The following PDZD2 variants were observed in gnomAD, a reference collection of about 807,000 sequenced individuals.
PDZD2 encodes PDZ domain containing 2.
A neutral mutation model predicts 220.7 loss-of-function variants in PDZD2; 90 were observed. The observed-to-expected ratio is 0.41, with a 90% CI of 0.34 to 0.49. The LOEUF (loss-of-function observed/expected upper bound fraction) is 0.49, where lower values mean the gene tolerates loss of function less well. Among genes scored for constraint, PDZD2 ranks in the 20% least tolerant of loss-of-function variants. The pLI, the probability that PDZD2 is intolerant of heterozygous loss-of-function variation, is 0.28. For synonymous variants in PDZD2, 1,375 were observed against 1,450.5 expected, an observed-to-expected ratio of 0.95 and a Z score of 1.18; for missense variants, 3,174 against 3,608.5, an observed-to-expected ratio of 0.88 and a Z score of 3.08.
chr5:31,679,802 T>C (rs890392818), intron 1 of PDZD2, among the ~76,000 whole-genome samples: 1 of 152,204 alleles, frequency 6.6e-6, no homozygotes, highest in Admixed American at 6.5e-5. Flanking sequence ...TGAGCCACCA[T>C]GCCTGGCCTG....
chr5:31,741,571 A>G (rs1425042965), intron 1 of PDZD2, among the ~76,000 whole-genome samples: 1 of 152,120 alleles, frequency 6.6e-6, no homozygotes, highest in Non-Finnish European at 1.5e-5. Flanking sequence ...TTCTCATCCA[A>G]ACTTCCCTCT....
intron 1 of PDZD2, among the ~76,000 whole-genome samples, chr5:31,651,611 A>G (rs1244002824): frequency 6.7e-6 from 1 of 150,018 alleles, no homozygotes; most frequent in African/African-American, 2.5e-5. Flanking sequence ...GCGCTAGGAT[A>G]GTTGGACTTG....
At chr5:31,993,629 C>T (rs574795406) in intron 3 of PDZD2, among the ~76,000 whole-genome samples, 1 of 152,164 alleles carries the variant, frequency 6.6e-6, no homozygotes, top group Non-Finnish European at 1.5e-5. Flanking sequence ...TGTACCTTAA[C>T]GGTTCCATTG....
intron 14 of PDZD2, among the ~76,000 whole-genome samples, chr5:32,065,485 C>A (rs1046088670): frequency 6.6e-5 from 10 of 152,104 alleles, no homozygotes; most frequent in Non-Finnish European, 1.3e-4. Flanking sequence ...TGTGCCATAT[C>A]CGAGATTTCT....
intron 21 of PDZD2, among the ~76,000 whole-genome samples, chr5:32,095,482 G>A (rs1407693599): frequency 1.3e-5 from 2 of 152,048 alleles, no homozygotes; most frequent in African/African-American, 4.8e-5. Context: ...TGAGAGATTC[G>A]AGGCTTCGAG....
chr5:31,982,278 C>T (rs1750358567), intron 2 of PDZD2, among the ~76,000 whole-genome samples: 1 of 152,202 alleles, frequency 6.6e-6, no homozygotes. Context: ...ACTGTTGCCA[C>T]CAGTGCCTAC....
rs184866476 is a variant in PDZD2, at chr5:31,851,943, G to A, written c.476+52219G>A. On this transcript the variant is annotated intron_variant, in intron 2 of 24. Transcript: ENST00000438447. The stretch of plus-strand genomic sequence containing the variant: ...GGGATCTCGGCTCACTGCAACCTCC[G>A]CCTCCTGGGTTGAAGTGATTCTCGT... 6.3e-3 allele frequency among the ~76,000 whole-genome samples: 948 copies of A among 150,476 alleles called. 7 individuals carry two copies. Among genetic ancestry groups the A allele is most frequent in the African/African-American group, 0.022 (894 of 40,890 alleles).
chr5:32,008,462 A>T (rs1311842680), intron 5 of PDZD2, among the ~76,000 whole-genome samples: 5 of 151,930 alleles, frequency 3.3e-5, no homozygotes, highest in African/African-American at 1.2e-4. Context: ...TTGTATTTTT[A>T]GTAGAGACGG....
intron 1 of PDZD2, among the ~76,000 whole-genome samples, chr5:31,686,063 T>C (rs805205): frequency 0.24 from 36,019 of 150,288 alleles, 5,037 homozygotes; most frequent in East Asian, 0.47. Context: ...CCAGGTATGG[T>C]CCCAGCTACC....
intron 2 of PDZD2, among the ~76,000 whole-genome samples, chr5:31,961,953 A>G (rs1748279342): frequency 6.6e-6 from 1 of 152,074 alleles, no homozygotes; most frequent in Non-Finnish European, 1.5e-5. Flanking sequence ...CCCACCTTCT[A>G]TCCACCACCC....
chr5:31,998,571 G>T (rs915634701), intron 4 of PDZD2, among the ~76,000 whole-genome samples: 2 of 152,202 alleles, frequency 1.3e-5, no homozygotes, highest in Non-Finnish European at 2.9e-5. Flanking sequence ...GCTTCTGGGC[G>T]TGTCGGAGGC....
At chr5:32,006,718 C>T (rs1245926992) in intron 5 of PDZD2, among the ~76,000 whole-genome samples, 1 of 128,724 alleles carries the variant, frequency 7.8e-6, no homozygotes, top group Non-Finnish European at 1.6e-5. Context: ...GAGACAGAGT[C>T]TCGCTCTGTC....
At chr5:31,781,461 G>T (rs950019664) in intron 1 of PDZD2, among the ~76,000 whole-genome samples, 1 of 152,134 alleles carries the variant, frequency 6.6e-6, no homozygotes, top group African/African-American at 2.4e-5. Context: ...TCTGTTAGGG[G>T]GTAAAAAGGG....
intron 1 of PDZD2, among the ~76,000 whole-genome samples, chr5:31,651,992 G>GT (rs770006909): frequency 1.0e-4 from 3 of 29,460 alleles, no homozygotes; most frequent in Non-Finnish European, 2.2e-4. Context: ...GCTAATTTTT[G>GT]TATTTTTTTT....
At position 31,646,516 on chromosome 5, in the gene PDZD2, C is replaced by T. The variant is rs1183529070; in HGVS notation, c.-361+7079C>T. Among the ~76,000 whole-genome samples, 1 of 152,116 alleles carries T rather than the reference C, an allele frequency of 6.6e-6. No homozygotes were observed. The highest frequency in any genetic ancestry group is 1.5e-5 in the Non-Finnish European group (1 of 68,006). On this transcript the variant is annotated intron_variant, in intron 1 of 24. Transcript: ENST00000438447. The surrounding 1 kb of genome is among the most constrained non-coding windows in gnomAD (Gnocchi z 4.7). ...TTTTCTGTTTAATAAAGCAAGATGT[C>T]AATAAACTCTACATTTTTGTGTGTT...
At chr5:31,883,215 C>CT (rs1740099998) in intron 2 of PDZD2, among the ~76,000 whole-genome samples, 2 of 121,576 alleles carry the variant, frequency 1.6e-5, no homozygotes, top group Admixed American at 1.8e-4. Flanking sequence ...TAGCATGCTA[C>CT]CTTTTTTTTT....
At chr5:32,075,769 T>G (rs777522195) in intron 18 of PDZD2, among the ~76,000 whole-genome samples, 1 of 152,238 alleles carries the variant, frequency 6.6e-6, no homozygotes, top group Non-Finnish European at 1.5e-5. Context: ...AGCCATATTA[T>G]TATAGATGTG....
At chr5:31,821,398 T>C (rs573045739) in intron 2 of PDZD2, among the ~76,000 whole-genome samples, 1 of 152,078 alleles carries the variant, frequency 6.6e-6, no homozygotes, top group Admixed American at 6.6e-5. Context: ...TTTTTTTTTT[T>C]TGAGATGGAG....
chr5:31,794,401 T>C (rs1292523664), intron 1 of PDZD2, among the ~76,000 whole-genome samples: 3 of 145,216 alleles, frequency 2.1e-5, no homozygotes, highest in East Asian at 3.9e-4. Flanking sequence ...TTCTTTTTTT[T>C]TTTTTTTTTT....
Sources: allele counts gnomAD v4.1 joint callset (sites outside exome capture counted in the v4.1 genomes callset), GRCh38; gene constraint gnomAD v4.1.1; non-coding constraint Gnocchi (gnomAD v3.1); transcripts MANE v1.5; gene names NCBI Gene and HGNC (gene_info 2026-07-23, HGNC 2026-07-21).